Variants in ROBO1 observed in about 807,000 individuals in gnomAD.
ROBO1 encodes the protein roundabout guidance receptor 1.
Under a neutral mutation model 195.9 loss-of-function variants are expected in ROBO1, and 149 were observed. That is an observed-to-expected ratio of 0.76 (90% confidence interval 0.67 to 0.87). The LOEUF is 0.87. ROBO1 is among the 40% of genes least tolerant of loss of function. The pLI is 0.00. For synonymous variants in ROBO1, 816 were observed against 733.2 expected (o/e 1.11, Z -1.82); for missense variants, 1,933 against 2,068.3 (o/e 0.93, Z 1.27).
At chr3:78,652,591 T>G (rs1326820121) in intron 18 of ROBO1, among the ~76,000 whole-genome samples, 1 of 152,088 alleles carries the variant, frequency 6.6e-6, no homozygotes, top group Non-Finnish European at 1.5e-5. Flanking sequence ...CAATGAAATA[T>G]TCAGATAATG....
intron 2 of ROBO1, among the ~76,000 whole-genome samples, chr3:79,364,812 T>C (rs992789096): frequency 6.6e-6 from 1 of 152,204 alleles, no homozygotes; most frequent in Non-Finnish European, 1.5e-5. Flanking sequence ...GTTTAACATG[T>C]TTAAATAAGC....
At chr3:78,683,647 T>C (rs1296250010) in intron 10 of ROBO1, among the ~76,000 whole-genome samples, 9 of 152,068 alleles carry the variant, frequency 5.9e-5, no homozygotes, top group Admixed American at 5.9e-4. Flanking sequence ...TTATTGGAAT[T>C]GTAATAAGAT....
chr3:78,776,863 C>G (rs2083522352), intron 4 of ROBO1, among the ~76,000 whole-genome samples: 1 of 152,134 alleles, frequency 6.6e-6, no homozygotes, highest in South Asian at 2.1e-4. Context: ...AAAATAGCGA[C>G]AAATAATTAA....
intron 2 of ROBO1, among the ~76,000 whole-genome samples, chr3:79,281,285 C>G (rs2031486605): frequency 1.3e-5 from 2 of 151,596 alleles, no homozygotes; most frequent in South Asian, 4.1e-4. Context: ...ATGTTTTTCT[C>G]CATTTCATAT....
intron 4 of ROBO1, among the ~76,000 whole-genome samples, chr3:78,894,870 A>C (rs2037137448): frequency 6.6e-6 from 1 of 152,212 alleles, no homozygotes; most frequent in East Asian, 1.9e-4. Context: ...GTCCCTGCTA[A>C]GGCTAGAAAG....
chr3:79,300,163 C>T (rs2032831886), intron 2 of ROBO1, among the ~76,000 whole-genome samples: 1 of 152,192 alleles, frequency 6.6e-6, no homozygotes, highest in Non-Finnish European at 1.5e-5. Flanking sequence ...GTGGGAGCCC[C>T]TTCCTGGGCT....
At chr3:78,950,748 C>T (rs1391551460) in intron 3 of ROBO1, among the ~76,000 whole-genome samples, 1 of 151,122 alleles carries the variant, frequency 6.6e-6, no homozygotes, top group Non-Finnish European at 1.5e-5. Flanking sequence ...TTGTGCTTTC[C>T]CCATGCACAG....
chr3:78,815,002 A>C (rs2084856041), intron 4 of ROBO1, among the ~76,000 whole-genome samples: 1 of 152,038 alleles, frequency 6.6e-6, no homozygotes, highest in Admixed American at 6.6e-5. Flanking sequence ...AACTATTGTA[A>C]TTGTTTTGGG....
chr3:79,725,521 C>A (rs973188992), intron 1 of ROBO1, among the ~76,000 whole-genome samples: 1 of 152,142 alleles, frequency 6.6e-6, no homozygotes, highest in Admixed American at 6.5e-5. Flanking sequence ...CCACCGCGCC[C>A]GGCCCTCTCT....
At chr3:79,387,876 G>T (rs2036812099) in intron 2 of ROBO1, among the ~76,000 whole-genome samples, 1 of 152,104 alleles carries the variant, frequency 6.6e-6, no homozygotes, top group African/African-American at 2.4e-5. Context: ...TGCCAGATCC[G>T]ATTCAATGTG....
chr3:79,077,383 A>G (rs1178236681), intron 3 of ROBO1, among the ~76,000 whole-genome samples: 3 of 151,966 alleles, frequency 2.0e-5, no homozygotes, highest in Non-Finnish European at 4.4e-5. Context: ...ACAATCTCAC[A>G]TGGACACAAA....
chr3:79,364,839 C>T (rs1482311023), intron 2 of ROBO1, among the ~76,000 whole-genome samples: 1 of 152,266 alleles, frequency 6.6e-6, no homozygotes, highest in South Asian at 2.1e-4. Context: ...ACCTGCTAAA[C>T]GGGTATTTCT....
intron 2 of ROBO1, among the ~76,000 whole-genome samples, chr3:79,211,583 T>C (rs1022167118): frequency 2.0e-5 from 3 of 152,162 alleles, no homozygotes; most frequent in Non-Finnish European, 4.4e-5. Context: ...CATTATTGTC[T>C]TCCAATTTGG....
chr3:79,672,840 T>C (rs1270505936), intron 1 of ROBO1, among the ~76,000 whole-genome samples: 1 of 151,972 alleles, frequency 6.6e-6, no homozygotes, highest in Non-Finnish European at 1.5e-5. Context: ...TGGGCCCATC[T>C]GTGAGGAGAG....
At chr3:79,757,442 C>T (rs895453632) in intron 1 of ROBO1, among the ~76,000 whole-genome samples, 1 of 151,582 alleles carries the variant, frequency 6.6e-6, no homozygotes, top group Non-Finnish European at 1.5e-5. Context: ...GCAGAACCAG[C>T]CCCAATTTTT....
At chr3:78,966,459 T>A (rs1270952070) in intron 3 of ROBO1, among the ~76,000 whole-genome samples, 1 of 152,180 alleles carries the variant, frequency 6.6e-6, no homozygotes, top group Non-Finnish European at 1.5e-5. Context: ...ATAATTCAGA[T>A]GTCAGAGAAG....
At chr3:79,283,435 T>C (rs2031659096) in intron 2 of ROBO1, among the ~76,000 whole-genome samples, 1 of 152,222 alleles carries the variant, frequency 6.6e-6, no homozygotes, top group Non-Finnish European at 1.5e-5. Context: ...TTGTACTGTA[T>C]CACATATCTT....
At chr3:79,268,733 C>T (rs1408158697) in intron 2 of ROBO1, among the ~76,000 whole-genome samples, 1 of 151,622 alleles carries the variant, frequency 6.6e-6, no homozygotes, top group Non-Finnish European at 1.5e-5. Flanking sequence ...CCAAACCTTG[C>T]ATCATTGTGT....
chr3:78,977,134 T>C (rs1187671539), intron 3 of ROBO1, among the ~76,000 whole-genome samples: 1 of 152,146 alleles, frequency 6.6e-6, no homozygotes, highest in East Asian at 1.9e-4. Flanking sequence ...AGCAGAATAT[T>C]TCCAATTTTC....
Sources: gnomAD v4.1 joint callset for allele counts (sites outside exome capture counted in the v4.1 genomes callset) on GRCh38, gnomAD v4.1.1 for gene constraint, MANE v1.5 for transcripts, NCBI Gene and HGNC (gene_info 2026-07-23, HGNC 2026-07-21) for gene names.